The following NRP1 variants were observed in gnomAD, a reference collection of about 807,000 sequenced individuals.
NRP1 encodes the protein neuropilin-1.
Under a neutral mutation model 106.7 loss-of-function variants are expected in NRP1, and 35 were observed. The ratio of observed to expected loss-of-function variants is 0.33; its 90% CI spans 0.25 to 0.43. The LOEUF is 0.43. Ranked by LOEUF, NRP1 falls within the 20% of genes least tolerant of loss-of-function variation. The pLI is 1.00. For missense variants in NRP1, 1,024 were observed against 1,170.4 expected, an observed-to-expected ratio of 0.87 and a Z score of 1.83; for synonymous variants, 437 against 417.9, an observed-to-expected ratio of 1.05 and a Z score of -0.56.
chr10:33,237,905 C>G (rs949246775), intron 6 of NRP1, among the ~76,000 whole-genome samples: 3 of 152,044 alleles, frequency 2.0e-5, no homozygotes, highest in Non-Finnish European at 4.4e-5. Context: ...CTTCGGAGAG[C>G]AAAGATAAGT....
intron 13 of NRP1, among the ~76,000 whole-genome samples, chr10:33,188,725 A>G (rs1836191189): frequency 1.3e-5 from 2 of 151,198 alleles, no homozygotes; most frequent in Non-Finnish European, 2.9e-5. Flanking sequence ...AAAAATACAA[A>G]AATTAGCCGG....
At chr10:33,209,751 A>G (rs927548325) in intron 9 of NRP1, among the ~76,000 whole-genome samples, 5 of 152,378 alleles carry the variant, frequency 3.3e-5, no homozygotes, top group African/African-American at 9.6e-5. Flanking sequence ...TGCTGGGATT[A>G]TAGGCGTGAG....
rs760204296 is a variant in NRP1 at position 33,263,820 on chromosome 10, C to T, written c.484G>A (p.Gly162Arg). The change falls in exon 4 of 17, where the codon GGA becomes AGA. Residue 162 changes from glycine to arginine, a missense_variant. Gly to Arg is a moderately radical substitution (Grantham distance 125). Coordinates refer to ENST00000374867, the MANE Select transcript of NRP1 (RefSeq NM_003873.7). ...CTGTTGGGATATTTTTCAGGGAATC[C>T]GGGGGACTTTATCACTCCACTAGGT... ...TTPSGVIKSP[G>R]FPEKYPNSLE... 35 of 1,613,686 alleles carry T rather than the reference C, an allele frequency of 2.2e-5. No individual in the cohort carries two copies. The highest frequency in any genetic ancestry group is 4.5e-5 in the East Asian group (2 of 44,884).
rs1848512383 is a variant in NRP1, at chr10:33,334,619, T to C, written c.-237A>G. The C allele has an allele frequency of 4.3e-6, 1 of 234,212 alleles. No homozygotes were observed. Among genetic ancestry groups the C allele is most frequent in the Non-Finnish European group, 8.2e-6 (1 of 122,106 alleles). 14.5% of individuals were successfully genotyped at this position (234,212 alleles called of 1,614,324 possible). Reference sequence around the variant, plus strand: ...TCATTTAGCTCCGGCTTCCTCTCCCTTTTCCCACACTTGTTCCTCTTCCAG... The same window carrying C: ...TCATTTAGCTCCGGCTTCCTCTCCCCTTTCCCACACTTGTTCCTCTTCCAG... On this transcript the variant is annotated 5_prime_UTR_variant, in exon 1 of 17. Transcript: ENST00000374867.
intron 7 of NRP1, among the ~76,000 whole-genome samples, chr10:33,224,835 C>G (rs1839534795): frequency 1.3e-5 from 2 of 152,128 alleles, no homozygotes; most frequent in Non-Finnish European, 2.9e-5. Flanking sequence ...TTTTCTCCTC[C>G]TGAAGTAGCG....
chr10:33,330,752 C>G lies in NRP1; in HGVS notation c.204G>C (p.Met68Ile). The G allele has an allele frequency of 1.9e-6, 3 of 1,613,582 alleles. No homozygotes were observed. The highest frequency in any genetic ancestry group is 2.5e-6 in the Non-Finnish European group (3 of 1,179,770). ...IQAPDPYQRI[M>I]INFNPHFDLE... ...AATCGAAGTGAGGGTTGAAGTTGAT[C>G]ATAATTCTCTGGTATGGGTCCGGAG... Residue 68 changes from methionine (M) to isoleucine (I), a missense_variant, in exon 2 of 17, where the codon ATG becomes ATC. By Grantham distance (10) the Met-to-Ile change is conservative (BLOSUM62 1). This residue lies in a region of NRP1 where 279 missense variants were observed against 327.4 expected (regional missense o/e 0.85). Coordinates refer to ENST00000374867, the MANE Select transcript of NRP1 (RefSeq NM_003873.7).
At position 33,204,001 on chromosome 10, in the gene NRP1, A is replaced by G. The variant is rs1328787014; in HGVS notation, c.1760-1006T>C. ...ATGATCCACCCGCCTCGGCCTCCCA[A>G]CAAAGACTGCTTTTGAAGTCCTTTA... On this transcript the variant is annotated intron_variant, in intron 10 of 16. Coordinates refer to ENST00000374867, the MANE Select transcript of NRP1 (RefSeq NM_003873.7). Among the ~76,000 whole-genome samples the G allele has an allele frequency of 2.3e-5, 2 of 85,698 alleles. 1 individual carries two copies. Among genetic ancestry groups the G allele is most frequent in the Non-Finnish European group, 5.5e-5 (2 of 36,618 alleles). The allele number at this position is 85,698 out of a possible 152,430, so 56.2% of individuals were successfully genotyped here.
intron 12 of NRP1, chr10:33,194,724 C>T (rs1836653883): frequency 1.9e-6 from 1 of 525,974 alleles, no homozygotes; most frequent in African/African-American, 1.9e-5. Context: ...TAGATCAATG[C>T]CTTTTGTTGG....
At chr10:33,285,699 A>G (rs961574121) in intron 2 of NRP1, among the ~76,000 whole-genome samples, 6 of 152,068 alleles carry the variant, frequency 3.9e-5, no homozygotes, top group African/African-American at 1.4e-4. Flanking sequence ...ATGGTGGTGC[A>G]TGCCTGAAAT....
intron 2 of NRP1, among the ~76,000 whole-genome samples, chr10:33,320,051 G>A (rs906921555): frequency 4.0e-5 from 6 of 151,134 alleles, no homozygotes; most frequent in Admixed American, 4.0e-4. Context: ...GGTGGCTCAC[G>A]CCTGTAATCC....
At chr10:33,207,528 A>G (rs1160567965) in intron 10 of NRP1, 44 bp downstream of exon 10, 1 of 1,609,676 alleles carries the variant, frequency 6.2e-7, no homozygotes. Flanking sequence ...ATGGAAGAGG[A>G]AATTTAAAAA....
At chr10:33,252,611 AC>A (rs1841945437) in intron 6 of NRP1, among the ~76,000 whole-genome samples, 1 of 152,084 alleles carries the variant, frequency 6.6e-6, no homozygotes, top group Non-Finnish European at 1.5e-5. Context: ...CTGTTTCATT[AC>A]CATGCAAACA....
chr10:33,233,538 C>A (rs1197288893), intron 6 of NRP1, among the ~76,000 whole-genome samples: 8 of 152,198 alleles, frequency 5.3e-5, no homozygotes, highest in Non-Finnish European at 1.5e-5. Flanking sequence ...TCACTGCTTT[C>A]TATAATAATA....
chr10:33,321,919 C>T (rs1847538632), intron 2 of NRP1, among the ~76,000 whole-genome samples: 1 of 152,194 alleles, frequency 6.6e-6, no homozygotes, highest in Non-Finnish European at 1.5e-5. Flanking sequence ...TACAAAGTAT[C>T]CACCCAGATA....
chr10:33,300,097 T>C (rs568671456), intron 2 of NRP1, among the ~76,000 whole-genome samples: 1 of 152,350 alleles, frequency 6.6e-6, no homozygotes, highest in African/African-American at 2.4e-5. Flanking sequence ...TGTATTCCTG[T>C]ACAACCTGCT....
intron 2 of NRP1, among the ~76,000 whole-genome samples, chr10:33,291,337 C>A (rs910703646): frequency 6.6e-6 from 1 of 152,148 alleles, no homozygotes; most frequent in African/African-American, 2.4e-5. Flanking sequence ...ATACACAGCC[C>A]GGAGTTCACA....
intron 3 of NRP1, 149 bp from the exon 4 acceptor site, chr10:33,264,022 A>G (rs1842757830): frequency 1.7e-6 from 1 of 599,314 alleles, no homozygotes; most frequent in Non-Finnish European, 2.9e-6. Context: ...GCCTTTTCAT[A>G]TTAGTAAAAT....
At position 33,297,389 on chromosome 10, in the gene NRP1, G is replaced by A. The variant is rs188373951; in HGVS notation, c.249-26533C>T. 1.2e-4 allele frequency among the ~76,000 whole-genome samples: 18 copies of A among 152,212 alleles called. No individual in the cohort carries two copies. In the East Asian group the frequency reaches 2.3e-3, roughly 20 times the overall value. On this transcript the variant is annotated intron_variant, in intron 2 of 16. Coordinates refer to ENST00000374867, the MANE Select transcript of NRP1 (RefSeq NM_003873.7). Reference sequence around the variant, plus strand: ...TTGTATTTCCTACCTTATATCTTACGTGGCTAAAGTACATGGCTGGGAGCG... The same window carrying A: ...TTGTATTTCCTACCTTATATCTTACATGGCTAAAGTACATGGCTGGGAGCG...
chr10:33,284,229 T>C (rs1033645793), intron 2 of NRP1, among the ~76,000 whole-genome samples: 37 of 152,220 alleles, frequency 2.4e-4, no homozygotes, highest in Non-Finnish European at 5.4e-4. Context: ...TTGTTTTTAC[T>C]AAAAACCAGA....
Sources: allele counts gnomAD v4.1 joint callset (sites outside exome capture counted in the v4.1 genomes callset), GRCh38; gene constraint gnomAD v4.1.1; regional missense constraint gnomAD v4.1.1; transcripts MANE v1.5; gene names NCBI Gene and HGNC (gene_info 2026-07-23, HGNC 2026-07-21).